PDE7B: variants seen among roughly 807,000 people sequenced by gnomAD.
PDE7B encodes phosphodiesterase 7B.
Under a neutral mutation model 56.2 loss-of-function variants are expected in PDE7B, and 29 were observed. The ratio of observed to expected loss-of-function variants is 0.52; its 90% CI spans 0.38 to 0.70. The LOEUF is 0.70. PDE7B is among the 30% of genes least tolerant of loss of function. PDE7B has a pLI of 0.00. For missense variants in PDE7B, 490 were observed against 565.0 expected, an observed-to-expected ratio of 0.87 and a Z score of 1.35; for synonymous variants, 197 against 196.9, an observed-to-expected ratio of 1.00 and a Z score of 0.00.
chr6:135,979,845 C>T (rs892642000), intron 2 of PDE7B, among the ~76,000 whole-genome samples: 2 of 152,114 alleles, frequency 1.3e-5, no homozygotes, highest in African/African-American at 4.8e-5. Flanking sequence ...GAATCAATAT[C>T]GTGAAAATGG....
chr6:135,889,816 G>C lies in PDE7B; in HGVS notation c.21+37797G>C, dbSNP rs374429827. Among the ~76,000 whole-genome samples the C allele has an allele frequency of 2.8e-4, 33 of 118,888 alleles. 1 individual carries two copies. The highest frequency in any genetic ancestry group is 5.5e-4 in the South Asian group (2 of 3,616). 78.0% of individuals were successfully genotyped at this position (118,888 alleles called of 152,430 possible). ...TGTCACCCGGGAGTGCAAATGACGCGATCTCAGCTCACTGCAACCTCTGCC... is the reference window on the plus strand; with the variant it reads ...TGTCACCCGGGAGTGCAAATGACGCCATCTCAGCTCACTGCAACCTCTGCC... On this transcript the variant is annotated intron_variant, in intron 1 of 12. Coordinates refer to ENST00000308191, the MANE Select transcript of PDE7B (RefSeq NM_018945.4).
chr6:135,975,142 T>G (rs918353230), intron 2 of PDE7B, among the ~76,000 whole-genome samples: 4 of 152,074 alleles, frequency 2.6e-5, no homozygotes, highest in African/African-American at 9.7e-5. Flanking sequence ...CAGTCGTTTT[T>G]TTTTTGTTTT....
chr6:135,867,423 A>T lies in PDE7B; in HGVS notation c.21+15404A>T, dbSNP rs75857859. ...TGTTAATACATCGTAAGGTTTAAAAATTTTTTTTAACTTTTAAGGTCAGGG... is the reference window on the plus strand; with the variant it reads ...TGTTAATACATCGTAAGGTTTAAAATTTTTTTTTAACTTTTAAGGTCAGGG... On this transcript the variant is annotated intron_variant, in intron 1 of 12. Coordinates refer to ENST00000308191, the MANE Select transcript of PDE7B (RefSeq NM_018945.4). Among the ~76,000 whole-genome samples, 1,226 of 152,070 alleles carry T rather than the reference A, an allele frequency of 8.1e-3. 14 individuals are homozygous for T. Among genetic ancestry groups the T allele is most frequent in the African/African-American group, 0.028 (1,156 of 41,472 alleles).
At chr6:135,897,834 T>C (rs1309375668) in intron 1 of PDE7B, among the ~76,000 whole-genome samples, 1 of 152,176 alleles carries the variant, frequency 6.6e-6, no homozygotes, top group Non-Finnish European at 1.5e-5. Context: ...CATGGGGATC[T>C]AAAGCCAGTG....
At chr6:135,859,225 G>A (rs1031104175) in intron 1 of PDE7B, among the ~76,000 whole-genome samples, 4 of 152,188 alleles carry the variant, frequency 2.6e-5, no homozygotes, top group Non-Finnish European at 5.9e-5. Context: ...TTTAGAAAAG[G>A]TCATTAAATC....
chr6:135,912,566 A>G (rs1776231117), intron 1 of PDE7B, among the ~76,000 whole-genome samples: 2 of 152,110 alleles, frequency 1.3e-5, no homozygotes, highest in South Asian at 4.1e-4. Flanking sequence ...GATTTAAAGG[A>G]AGAATATACC....
At position 136,191,968 on chromosome 6, in the gene PDE7B, A is replaced by G. The variant is rs1012615389; in HGVS notation, c.*128A>G. The G allele has an allele frequency of 2.9e-6, 2 of 695,302 alleles. No homozygotes were observed. The highest frequency in any genetic ancestry group is 5.6e-5 in the Admixed American group (2 of 35,754). The allele number at this position is 695,302 out of a possible 1,614,324, so 43.1% of individuals were successfully genotyped here. ...TTGTCCTGGGGCTCTTTGGAACGCC[A>G]TCTTCCTCCCACTTACCTGCCTCCC... On this transcript the variant is annotated 3_prime_UTR_variant, in exon 13 of 13. Transcript: ENST00000308191.
At chr6:136,013,398 T>C (rs1388199897) in intron 2 of PDE7B, among the ~76,000 whole-genome samples, 1 of 152,194 alleles carries the variant, frequency 6.6e-6, no homozygotes, top group Non-Finnish European at 1.5e-5. Context: ...GGAATAGTTA[T>C]GGAACTGAGA....
chr6:135,963,037 C>T (rs1214697387), intron 2 of PDE7B, among the ~76,000 whole-genome samples: 2 of 152,164 alleles, frequency 1.3e-5, no homozygotes, highest in African/African-American at 2.4e-5. Context: ...TGGGTGAGAG[C>T]TCATTGCACA....
chr6:135,982,135 A>T (rs1423555188), intron 2 of PDE7B, among the ~76,000 whole-genome samples: 1 of 151,966 alleles, frequency 6.6e-6, no homozygotes, highest in Non-Finnish European at 1.5e-5. Flanking sequence ...TCCATGTCAT[A>T]CTCTTGCCAC....
chr6:135,873,168 A>G (rs1199791733), intron 1 of PDE7B, among the ~76,000 whole-genome samples: 1 of 152,202 alleles, frequency 6.6e-6, no homozygotes, highest in African/African-American at 2.4e-5. Flanking sequence ...TCTGTCATTA[A>G]GTGGCAATTG....
At chr6:135,861,302 T>G (rs1465581003) in intron 1 of PDE7B, among the ~76,000 whole-genome samples, 1 of 151,806 alleles carries the variant, frequency 6.6e-6, no homozygotes, top group Non-Finnish European at 1.5e-5. Context: ...AATTCAAAAT[T>G]GCTCAAAGTG....
chr6:135,923,138 A>G (rs1043752539), intron 1 of PDE7B, among the ~76,000 whole-genome samples: 3 of 152,254 alleles, frequency 2.0e-5, no homozygotes, highest in Non-Finnish European at 2.9e-5. Context: ...AAGCTGAAGT[A>G]GCCAACACGA....
intron 1 of PDE7B, among the ~76,000 whole-genome samples, chr6:135,928,967 A>G (rs1212173179): frequency 6.6e-6 from 1 of 152,146 alleles, no homozygotes; most frequent in Non-Finnish European, 1.5e-5. Flanking sequence ...TAAAATAAAT[A>G]ACAGAAAGTA....
At position 136,191,919 on chromosome 6, in the gene PDE7B, A is replaced by T; in HGVS notation, c.*79A>T. On this transcript the variant is annotated 3_prime_UTR_variant, in exon 13 of 13. Transcript: ENST00000308191. ...AAGCAGCGTGGAGGGGCCCTCACGC[A>T]GCAGCCCAGCCACTTTCTGAGTGTT... is the stretch of plus-strand genomic sequence containing the variant. 9.6e-7 allele frequency: 1 copy of T among 1,046,648 alleles called. No individual in the cohort carries two copies. Among genetic ancestry groups the T allele is most frequent in the Non-Finnish European group, 1.4e-6 (1 of 710,266 alleles). The allele number at this position is 1,046,648 out of a possible 1,614,324, so 64.8% of individuals were successfully genotyped here.
intron 1 of PDE7B, among the ~76,000 whole-genome samples, chr6:135,928,770 C>G (rs1458833692): frequency 1.3e-5 from 2 of 151,362 alleles, no homozygotes; most frequent in African/African-American, 2.4e-5. Flanking sequence ...TGCATGGACA[C>G]AAAGATGGGA....
chr6:136,150,050 T>C (rs1481983954), intron 5 of PDE7B, among the ~76,000 whole-genome samples: 2 of 152,180 alleles, frequency 1.3e-5, no homozygotes, highest in Non-Finnish European at 2.9e-5. Context: ...ACTTGTTCAA[T>C]GGTATTTGTT....
At chr6:136,063,114 T>G (rs954723547) in intron 2 of PDE7B, among the ~76,000 whole-genome samples, 4 of 152,170 alleles carry the variant, frequency 2.6e-5, no homozygotes, top group African/African-American at 9.7e-5. Flanking sequence ...ATTAGACTAG[T>G]ATTAGCGACC....
At chr6:135,887,982 C>G (rs1024101430) in intron 1 of PDE7B, among the ~76,000 whole-genome samples, 1 of 152,120 alleles carries the variant, frequency 6.6e-6, no homozygotes, top group East Asian at 1.9e-4. Flanking sequence ...CTTACTATTT[C>G]CCTGGACATA....
Sources: allele counts gnomAD v4.1 joint callset (sites outside exome capture counted in the v4.1 genomes callset), GRCh38; gene constraint gnomAD v4.1.1; transcripts MANE v1.5; gene names NCBI Gene and HGNC (gene_info 2026-07-23, HGNC 2026-07-21).